Variants in CDC27 observed in about 807,000 individuals in gnomAD.
CDC27 encodes the protein cell division cycle protein 27 homolog.
Under a neutral mutation model 109.7 loss-of-function variants are expected in CDC27, and 27 were observed. That is an observed-to-expected ratio of 0.25 (90% CI 0.18 to 0.34). CDC27 has a LOEUF of 0.34. Among genes scored for constraint, CDC27 ranks in the 10% least tolerant of loss-of-function variants. The pLI, the probability that CDC27 is intolerant of heterozygous loss-of-function variation, is 1.00. For missense variants in CDC27, 579 were observed against 960.2 expected (o/e 0.60, Z 5.25); for synonymous variants, 266 against 333.9 (o/e 0.80, Z 2.22).
chr17:47,151,520 T>C (rs1441893040), intron 9 of CDC27, among the ~76,000 whole-genome samples: 3 of 152,198 alleles, frequency 2.0e-5, no homozygotes, highest in Non-Finnish European at 4.4e-5. Flanking sequence ...AACCTATCTG[T>C]ACCTAAACTA....
intron 16 of CDC27, among the ~76,000 whole-genome samples, chr17:47,127,932 C>T (rs115767870): frequency 2.4e-4 from 36 of 151,988 alleles, no homozygotes; most frequent in African/African-American, 7.5e-4. Flanking sequence ...TCTCAAGTTC[C>T]GTGGACTCAT....
chr17:47,151,831 T>A lies in CDC27; in HGVS notation c.1045A>T (p.Thr349Ser), dbSNP rs778895847. The A allele has an allele frequency of 8.1e-6, 13 of 1,603,754 alleles. No individual in the cohort carries two copies. The East Asian group carries it at 2.9e-4, about 36-fold the overall frequency. The change falls in exon 9 of 19, where the codon ACA (threonine) becomes TCA (serine). Residue 349 changes from threonine to serine, a missense_variant. Transcript: ENST00000066544. ...CTTGTTTGTGGACCAGAACTTTGTG[T>A]TTGTGCAAGAATTGGAGTTACCTCT... Reference protein sequence around the residue: ...SREVTPILAQTQSSGPQTSTT... With the variant: ...SREVTPILAQSQSSGPQTSTT...
chr17:47,133,092 C>A (rs1322697996), intron 14 of CDC27, among the ~76,000 whole-genome samples: 2 of 51,886 alleles, frequency 3.9e-5, no homozygotes, highest in African/African-American at 8.7e-5. Flanking sequence ...CACAAACACA[C>A]ACACACAAAT....
chr17:47,133,038 CACACACACACACACACATACATAT>C (rs1371304292), intron 14 of CDC27, among the ~76,000 whole-genome samples: 6 of 61,202 alleles, frequency 9.8e-5, no homozygotes, highest in African/African-American at 2.7e-4. Context: ...TACACACACA[CACACACACACACACACATACATAT>C]ACACACACAC....
At chr17:47,165,953 G>A (rs963338643) in intron 4 of CDC27, among the ~76,000 whole-genome samples, 1 of 152,100 alleles carries the variant, frequency 6.6e-6, no homozygotes, top group Non-Finnish European at 1.5e-5. Flanking sequence ...AAAGTCAACT[G>A]ACCATCCAAG....
intron 3 of CDC27, 89 bp downstream of exon 3, chr17:47,171,828 G>A: frequency 1.2e-6 from 1 of 807,948 alleles, no homozygotes. Context: ...AGGGAAGAAA[G>A]GGAATCAGAG....
chr17:47,120,928 C>T lies in CDC27; in HGVS notation c.*7G>A. 1 of 1,604,796 alleles carries T rather than the reference C, an allele frequency of 6.2e-7. No individual in the cohort carries two copies. The highest frequency in any genetic ancestry group is 8.5e-7 in the Non-Finnish European group (1 of 1,172,462). ...ACATCCAGTTGTAAAAGTCTGATTT[C>T]CAGAAGTTAAAATTCATCACTTTCA... is the stretch of plus-strand genomic sequence containing the variant. On this transcript the variant is annotated 3_prime_UTR_variant, in exon 19 of 19. Coordinates refer to ENST00000066544, the MANE Select transcript of CDC27 (RefSeq NM_001256.6).
rs11570476 is a variant in CDC27 at position 47,169,483 on chromosome 17, A to C, written c.377+434T>G. Among the ~76,000 whole-genome samples the C allele has an allele frequency of 6.6e-3, 1,004 of 152,036 alleles. 12 individuals carry two copies. Among genetic ancestry groups the C allele is most frequent in the Admixed American group, 0.024 (370 of 15,240 alleles). On this transcript the variant is annotated intron_variant, in intron 4 of 18. Transcript: ENST00000066544. ...CCAACATGGTAAAACCCTGTCTACC[A>C]AAAATACAAAAATTAGCTGGGCGTG...
chr17:47,128,394 C>T (rs2062214717), intron 16 of CDC27, among the ~76,000 whole-genome samples: 1 of 152,154 alleles, frequency 6.6e-6, no homozygotes, highest in Non-Finnish European at 1.5e-5. Flanking sequence ...ACAAAAATCT[C>T]GTGTCTTTTT....
chr17:47,133,106 CATATATATATAT>C (rs55717332), intron 14 of CDC27, among the ~76,000 whole-genome samples: 1,696 of 98,006 alleles, frequency 0.017, 30 homozygotes, highest in Non-Finnish European at 0.022. Context: ...CACAAATATA[CATATATATATAT>C]ATATATATAT....
At chr17:47,154,574 T>C (rs2063241911) in intron 8 of CDC27, 98 bp downstream of exon 8, 1 of 643,904 alleles carries the variant, frequency 1.6e-6, no homozygotes, top group Admixed American at 3.0e-5. Context: ...GCAAAAGCAA[T>C]TACATAAAGT....
intron 4 of CDC27, among the ~76,000 whole-genome samples, chr17:47,160,296 C>T (rs894198631): frequency 2.0e-5 from 3 of 148,670 alleles, no homozygotes; most frequent in African/African-American, 5.0e-5. Context: ...GGCATGATCT[C>T]GGCTCACTGC....
chr17:47,155,857 G>A (rs948244867), intron 7 of CDC27, among the ~76,000 whole-genome samples: 34 of 152,264 alleles, frequency 2.2e-4, no homozygotes, highest in African/African-American at 7.7e-4. Context: ...GGAGTCTGAG[G>A]TGGGAGGATC....
chr17:47,177,310 C>T (rs1346872396), intron 2 of CDC27, among the ~76,000 whole-genome samples: 1 of 152,198 alleles, frequency 6.6e-6, no homozygotes, highest in Non-Finnish European at 1.5e-5. Flanking sequence ...GATACAGTGG[C>T]TCCCGCCTGT....
intron 9 of CDC27, among the ~76,000 whole-genome samples, chr17:47,145,774 G>A (rs967275873): frequency 1.3e-5 from 2 of 152,038 alleles, no homozygotes; most frequent in African/African-American, 4.8e-5. Flanking sequence ...GATGGCGGGT[G>A]CCTGTAATCC....
intron 1 of CDC27, among the ~76,000 whole-genome samples, chr17:47,184,538 TAA>T (rs1182382124): frequency 6.6e-6 from 1 of 151,862 alleles, no homozygotes; most frequent in Admixed American, 6.6e-5. Flanking sequence ...ATTAAAGAAA[TAA>T]GAGGCAAGGG....
At position 47,123,896 on chromosome 17, in the gene CDC27, A is replaced by G. The variant is rs750648328; in HGVS notation, c.2225T>C (p.Leu742Ser). ...IVPKESLVYF[L>S]IGKVYKKLGQ... ...GACCCCAGTCTTTACCTTTCCTATT[A>G]AGAAGTAAACGAGGGATTCTTTGGG... is the stretch of plus-strand genomic sequence containing the variant. Residue 742 changes from leucine (L) to serine (S), a missense_variant, in exon 17 of 19, where the codon TTA (leucine) becomes TCA (serine). Physicochemically the swap from Leu to Ser is moderately radical, Grantham distance 145 (BLOSUM62 -2). Around this residue, in one of 9 missense-constraint regions of CDC27, gnomAD observed 227 missense variants for 363.6 expected, o/e 0.62. Transcript: ENST00000066544. 11 of 1,598,530 alleles carry G rather than the reference A, an allele frequency of 6.9e-6. No individual in the cohort carries two copies. Among genetic ancestry groups the G allele is most frequent in the Non-Finnish European group, 8.5e-7 (1 of 1,174,874 alleles).
intron 1 of CDC27, chr17:47,188,770 G>T (rs1333696590): frequency 2.7e-6 from 3 of 1,112,578 alleles, no homozygotes; most frequent in East Asian, 5.7e-5. Flanking sequence ...CACAAGCTCC[G>T]ATCAAATGTG....
At chr17:47,145,852 G>C (rs2062943065) in intron 9 of CDC27, among the ~76,000 whole-genome samples, 1 of 151,722 alleles carries the variant, frequency 6.6e-6, no homozygotes, top group Non-Finnish European at 1.5e-5. Flanking sequence ...AGCCAAGATC[G>C]TGCCATTGCA....
Sources: allele counts gnomAD v4.1 joint callset (sites outside exome capture counted in the v4.1 genomes callset), GRCh38; gene constraint gnomAD v4.1.1; regional missense constraint gnomAD v4.1.1; transcripts MANE v1.5; gene names NCBI Gene and HGNC (gene_info 2026-07-23, HGNC 2026-07-21).